SGK1: variants seen among roughly 807,000 people sequenced by gnomAD.
The protein encoded by SGK1 is serum/glucocorticoid regulated kinase 1.
SGK1 carries 26 observed loss-of-function variants against 64.2 expected under a neutral mutation model. The observed-to-expected ratio is 0.40, with a 90% confidence interval of 0.30 to 0.56. SGK1 has a LOEUF of 0.56. Ranked by LOEUF, SGK1 falls within the 20% of genes least tolerant of loss-of-function variation. The pLI, the probability that SGK1 is intolerant of heterozygous loss-of-function variation, is 0.38. For missense variants in SGK1, 519 were observed against 645.6 expected (o/e 0.80, Z 2.12); for synonymous variants, 265 against 239.7 (o/e 1.11, Z -0.98).
At chr6:134,286,559 C>T (rs1777187256) in intron 1 of SGK1, among the ~76,000 whole-genome samples, 1 of 151,460 alleles carries the variant, frequency 6.6e-6, no homozygotes. Flanking sequence ...CTCCGCCTCC[C>T]GGGTTCAAGC....
chr6:134,263,668 T>TAAG (rs1321102725), intron 1 of SGK1, among the ~76,000 whole-genome samples: 1 of 152,188 alleles, frequency 6.6e-6, no homozygotes, highest in Non-Finnish European at 1.5e-5. Flanking sequence ...CAGAAAGAAG[T>TAAG]ATAAAGCTAT....
chr6:134,290,590 G>A (rs1777250374), intron 1 of SGK1, among the ~76,000 whole-genome samples: 1 of 152,086 alleles, frequency 6.6e-6, no homozygotes, highest in African/African-American at 2.4e-5. Flanking sequence ...GTAGTTCACA[G>A]TGAAGGACCC....
At chr6:134,286,404 G>A (rs1777184074) in intron 1 of SGK1, among the ~76,000 whole-genome samples, 1 of 152,042 alleles carries the variant, frequency 6.6e-6, no homozygotes, top group African/African-American at 2.4e-5. Flanking sequence ...GCTGCAGTAA[G>A]CCGTGATTGC....
chr6:134,221,404 T>C (rs1336384317), intron 2 of SGK1, among the ~76,000 whole-genome samples: 1 of 152,236 alleles, frequency 6.6e-6, no homozygotes, highest in Non-Finnish European at 1.5e-5. Context: ...TTGTACTCAC[T>C]GAGCCCTCAC....
intron 2 of SGK1, among the ~76,000 whole-genome samples, chr6:134,249,905 T>A (rs559484523): frequency 6.6e-6 from 1 of 152,334 alleles, no homozygotes; most frequent in South Asian, 2.1e-4. Context: ...TTTCTTTCTT[T>A]CTTTTTTGTT....
At chr6:134,311,970 T>TCAA (rs1225347714) in intron 1 of SGK1, among the ~76,000 whole-genome samples, 4 of 152,222 alleles carry the variant, frequency 2.6e-5, no homozygotes, top group South Asian at 2.1e-4. Flanking sequence ...TATAACAACA[T>TCAA]CAACAACAAC....
chr6:134,281,866 TTTAACTATATACTTATATAC>T (rs1157176677), intron 1 of SGK1, among the ~76,000 whole-genome samples: 1 of 152,210 alleles, frequency 6.6e-6, no homozygotes, highest in Non-Finnish European at 1.5e-5. Flanking sequence ...CCTAATAAGG[TTTAACTATATACTTATATAC>T]TTAACTATAT....
chr6:134,281,832 T>C (rs1239314804), intron 1 of SGK1, among the ~76,000 whole-genome samples: 1 of 152,188 alleles, frequency 6.6e-6, no homozygotes, highest in Non-Finnish European at 1.5e-5. Context: ...TAACCAGAAC[T>C]GGACTAGGAG....
chr6:134,176,425 A>G (rs964907396), intron 3 of SGK1, among the ~76,000 whole-genome samples: 2 of 152,354 alleles, frequency 1.3e-5, no homozygotes, highest in African/African-American at 4.8e-5. Flanking sequence ...GCTCTGCAGA[A>G]CAGCGATGCC....
intron 2 of SGK1, among the ~76,000 whole-genome samples, chr6:134,208,061 G>C (rs1582711775): frequency 6.6e-6 from 1 of 152,052 alleles, no homozygotes; most frequent in Non-Finnish European, 1.5e-5. Flanking sequence ...ATAGGCGTGT[G>C]CCACCACGCC....
chr6:134,174,582 G>A lies in SGK1; in HGVS notation c.366C>T (p.Phe122=), dbSNP rs138117316. The change falls in exon 4 of 14, where the codon TTC becomes TTT. Residue 122 remains phenylalanine, a synonymous_variant. Transcript: ENST00000367858. ...TCAGACCCATCCTCCTCTGCTTCAT[G>A]AAAGCTGTGGATGAAGGAGGAGAAA... ...RTFWTNDDPA[F]MKQRRMGLND... The A allele has an allele frequency of 1.9e-6, 3 of 1,613,312 alleles. No individual in the cohort carries two copies. The African/African-American group carries it at 4.0e-5, about 22-fold the overall frequency.
intron 2 of SGK1, among the ~76,000 whole-genome samples, chr6:134,245,175 T>G (rs1329411299): frequency 2.0e-5 from 3 of 152,216 alleles, no homozygotes; most frequent in Non-Finnish European, 2.9e-5. Context: ...ACTCCTGTAC[T>G]CAAGGGATCC....
rs189117384 is a variant in SGK1, at chr6:134,317,986, A to T, written c.-526T>A. 1.2e-3 allele frequency: 180 copies of T among 153,708 alleles called. 3 individuals carry two copies. The highest frequency in any genetic ancestry group is 9.6e-3 in the Admixed American group (148 of 15,350). 9.5% of individuals were successfully genotyped at this position (153,708 alleles called of 1,614,324 possible). ...GAAAGAGCAGAAGCCAGAGGGAGGG[A>T]GGGAGAACAGCGCCAGAAAGGCAGA... On this transcript the variant is annotated 5_prime_UTR_variant, in exon 1 of 14. Coordinates refer to ENST00000367858, the MANE Select transcript of SGK1 (RefSeq NM_001143676.3).
chr6:134,229,358 A>T (rs1035289990), intron 2 of SGK1, among the ~76,000 whole-genome samples: 2 of 152,252 alleles, frequency 1.3e-5, no homozygotes, highest in African/African-American at 2.4e-5. Flanking sequence ...TTAAGAAATT[A>T]AAAAAGAATA....
At chr6:134,173,951 C>A (rs2114637875) in intron 5 of SGK1, 54 bp downstream of exon 5, 1 of 1,231,206 alleles carries the variant, frequency 8.1e-7, no homozygotes, top group Admixed American at 2.0e-5. Context: ...TGTAGGAATA[C>A]TAACTGACTC....
chr6:134,267,732 A>G (rs1231169583), intron 1 of SGK1, among the ~76,000 whole-genome samples: 4 of 152,218 alleles, frequency 2.6e-5, no homozygotes, highest in Admixed American at 6.6e-5. Flanking sequence ...CCAGGATACT[A>G]TCGGATACTC....
Position 134,317,533 on chromosome 6 carries a change from G to A in SGK1, c.-73C>T, listed in dbSNP as rs1777705129. On this transcript the variant is annotated 5_prime_UTR_variant, in exon 1 of 14. Coordinates refer to ENST00000367858, the MANE Select transcript of SGK1 (RefSeq NM_001143676.3). ...CTGGTTAGTGCATATCTGTTTCCCC[G>A]GTTTACCTCCTGCAGACAGTTAATG... 1 of 894,182 alleles carries A rather than the reference G, an allele frequency of 1.1e-6. No homozygotes were observed. Among genetic ancestry groups the A allele is most frequent in the African/African-American group, 1.6e-5 (1 of 61,188 alleles). 55.4% of individuals were successfully genotyped at this position (894,182 alleles called of 1,614,324 possible). A position where few individuals can be genotyped will look rare whatever the true frequency, so the allele number is the denominator to read the frequency against.
chr6:134,303,037 G>A (rs1032478385), intron 1 of SGK1, among the ~76,000 whole-genome samples: 21 of 152,172 alleles, frequency 1.4e-4, no homozygotes, highest in African/African-American at 4.3e-4. Flanking sequence ...TTACAGGCAT[G>A]AGCCACCGTG....
At chr6:134,281,888 T>C (rs1009528498) in intron 1 of SGK1, among the ~76,000 whole-genome samples, 1 of 152,226 alleles carries the variant, frequency 6.6e-6, no homozygotes, top group Non-Finnish European at 1.5e-5. Context: ...CTTATATACT[T>C]AACTATATAC....
Sources: allele counts gnomAD v4.1 joint callset (sites outside exome capture counted in the v4.1 genomes callset), GRCh38; gene constraint gnomAD v4.1.1; transcripts MANE v1.5; gene names NCBI Gene and HGNC (gene_info 2026-07-23, HGNC 2026-07-21).